The following RERE variants were observed in gnomAD, a reference collection of about 807,000 sequenced individuals.
The protein encoded by RERE is arginine-glutamic acid dipeptide repeats, also known as arginine-glutamic acid dipeptide repeats protein.
In RERE, 40 loss-of-function variants were observed where a neutral mutation model predicts 146.1. The ratio of observed to expected loss-of-function variants is 0.27; its 90% CI spans 0.21 to 0.36. RERE has a LOEUF of 0.36. Ranked by LOEUF, RERE falls within the 10% of genes least tolerant of loss-of-function variation. The pLI is 1.00. For missense variants in RERE, 1,933 were observed against 2,138.7 expected, an observed-to-expected ratio of 0.90 and a Z score of 1.90; for synonymous variants, 1,003 against 866.0, an observed-to-expected ratio of 1.16 and a Z score of -2.78.
intron 10 of RERE, among the ~76,000 whole-genome samples, chr1:8,474,143 G>A (rs1644724792): frequency 6.6e-6 from 1 of 152,134 alleles, no homozygotes; most frequent in African/African-American, 2.4e-5. Flanking sequence ...CAAGCTTCTC[G>A]AAAGAATAAA....
chr1:8,692,344 CTTTT>C (rs55723477), intron 1 of RERE, among the ~76,000 whole-genome samples: 1 of 147,596 alleles, frequency 6.8e-6, no homozygotes, highest in Non-Finnish European at 1.5e-5. Flanking sequence ...CTCCCATATA[CTTTT>C]TTTTTTTCTT....
In RERE at chr1:8,395,295, G is replaced by GA. The variant is rs1643017786; in HGVS notation, c.1284+27431dup. ...TCAAGACCGGCCTCGCCAATATGGT[G>GA]AAACCCCATCTCTACTAAAAATATA... On this transcript the variant is annotated intron_variant, in intron 12 of 22. Transcript: ENST00000400908. 2.0e-5 allele frequency among the ~76,000 whole-genome samples: 3 copies of GA among 152,050 alleles called. No individual in the cohort carries two copies. In the South Asian group the frequency reaches 6.2e-4, roughly 32 times the overall value.
intron 12 of RERE, among the ~76,000 whole-genome samples, chr1:8,367,015 A>G (rs1486858483): frequency 6.6e-6 from 1 of 151,996 alleles, no homozygotes; most frequent in African/African-American, 2.4e-5. Context: ...AACACTGTAG[A>G]AAGTCTATTA....
chr1:8,694,806 C>T (rs1246925275), intron 1 of RERE, among the ~76,000 whole-genome samples: 1 of 151,838 alleles, frequency 6.6e-6, no homozygotes, highest in East Asian at 1.9e-4. Flanking sequence ...ACATTTGATG[C>T]TCATAGATTG....
At chr1:8,694,216 T>C (rs12096294) in intron 1 of RERE, among the ~76,000 whole-genome samples, 325 of 152,236 alleles carry the variant, frequency 2.1e-3, no homozygotes, top group African/African-American at 7.4e-3. Context: ...TATGATTCTA[T>C]ACCTAGAAAA....
intron 7 of RERE, among the ~76,000 whole-genome samples, chr1:8,539,263 T>G (rs1028837258): frequency 2.0e-5 from 3 of 152,196 alleles, no homozygotes; most frequent in Admixed American, 6.5e-5. Flanking sequence ...AGCCAATAAA[T>G]GCATATGTAA....
At chr1:8,557,050 CAG>C (rs1646016588) in intron 5 of RERE, among the ~76,000 whole-genome samples, 3 of 149,024 alleles carry the variant, frequency 2.0e-5, no homozygotes, top group African/African-American at 4.9e-5. Flanking sequence ...AAAAAAAAAA[CAG>C]AAAGATAAAA....
rs1397875799 is a variant in RERE at position 8,361,854 on chromosome 1, G to C, written c.1925C>G (p.Ser642Cys). ...SAKKVKEEASSPLKSNKRQRE... is the reference protein window; with the variant it reads ...SAKKVKEEASCPLKSNKRQRE... ...CTGGCGTTTGTTACTCTTAAGAGGG[G>C]AAGAGGCTTCCTCCTTCACCTTCTG... Residue 642 changes from serine (S) to cysteine (C), a missense_variant, in exon 17 of 23, where the codon TCC becomes TGC. Physicochemically the swap from Ser to Cys is moderately radical, Grantham distance 112. Coordinates refer to ENST00000400908, the MANE Select transcript of RERE (RefSeq NM_001042681.2). 1 of 1,613,760 alleles carries C rather than the reference G, an allele frequency of 6.2e-7. No individual in the cohort carries two copies. The highest frequency in any genetic ancestry group is 1.3e-5 in the African/African-American group (1 of 74,928).
intron 4 of RERE, among the ~76,000 whole-genome samples, chr1:8,571,305 C>A (rs1026416752): frequency 6.6e-6 from 1 of 152,186 alleles, no homozygotes; most frequent in Admixed American, 6.5e-5. Context: ...GTGAATCTAG[C>A]AATATTCCGC....
At chr1:8,572,362 A>G (rs1419401106) in intron 4 of RERE, among the ~76,000 whole-genome samples, 1 of 152,196 alleles carries the variant, frequency 6.6e-6, no homozygotes, top group East Asian at 1.9e-4. Context: ...TTTAGCACAC[A>G]GAGAAGTTAA....
chr1:8,587,235 T>A (rs1646437840), intron 4 of RERE, among the ~76,000 whole-genome samples: 1 of 152,228 alleles, frequency 6.6e-6, no homozygotes, highest in South Asian at 2.1e-4. Context: ...GGGTTCGAAA[T>A]CTGGCTCTCA....
intron 1 of RERE, among the ~76,000 whole-genome samples, chr1:8,702,643 T>TA (rs1175799644): frequency 6.6e-6 from 1 of 152,190 alleles, no homozygotes; most frequent in African/African-American, 2.4e-5. Context: ...TATTCCACAG[T>TA]AAAGCAATGA....
chr1:8,513,980 C>A (rs1645377075), intron 7 of RERE, among the ~76,000 whole-genome samples: 1 of 152,176 alleles, frequency 6.6e-6, no homozygotes, highest in South Asian at 2.1e-4. Flanking sequence ...TAGAGAATGT[C>A]AGTTTACTCA....
intron 1 of RERE, among the ~76,000 whole-genome samples, chr1:8,815,874 T>C (rs1475361127): frequency 6.6e-6 from 1 of 152,036 alleles, no homozygotes; most frequent in African/African-American, 2.4e-5. Context: ...TATGTGTGTC[T>C]GTCTGCCTCT....
At chr1:8,815,004 A>C (rs1198336240) in intron 1 of RERE, among the ~76,000 whole-genome samples, 1 of 152,216 alleles carries the variant, frequency 6.6e-6, no homozygotes, top group Non-Finnish European at 1.5e-5. Flanking sequence ...CGCTTAAAAG[A>C]AAATCATTAA....
intron 2 of RERE, among the ~76,000 whole-genome samples, chr1:8,647,967 C>T (rs1174138752): frequency 6.6e-6 from 1 of 152,058 alleles, no homozygotes. Flanking sequence ...TTAAGGCAAA[C>T]TTTTACTGAA....
rs575114145 is a variant in RERE at position 8,358,052 on chromosome 1, G to A, written c.4339+144C>T. The A allele has an allele frequency of 1.1e-5, 15 of 1,399,696 alleles. No individual in the cohort carries two copies. In the African/African-American group the frequency reaches 1.3e-4, roughly 12 times the overall value. 86.7% of individuals were successfully genotyped at this position (1,399,696 alleles called of 1,614,324 possible). A position where few individuals can be genotyped will look rare whatever the true frequency, so the allele number is the denominator to read the frequency against. On this transcript the variant is annotated intron_variant, in intron 20 of 22. Coordinates refer to ENST00000400908, the MANE Select transcript of RERE (RefSeq NM_001042681.2). ...ATACAGCAAAACCATGACGGTAGTGGATGCTGAGCTCTTCTAAGATCTGCC... is the reference window on the plus strand; with the variant it reads ...ATACAGCAAAACCATGACGGTAGTGAATGCTGAGCTCTTCTAAGATCTGCC...
intron 4 of RERE, among the ~76,000 whole-genome samples, chr1:8,587,297 A>G (rs1055475457): frequency 2.6e-4 from 39 of 152,186 alleles, no homozygotes; most frequent in African/African-American, 9.4e-4. Flanking sequence ...TCTATTCCCA[A>G]TCTGCAAAAC....
At chr1:8,518,791 A>C (rs1370648663) in intron 7 of RERE, among the ~76,000 whole-genome samples, 2 of 152,238 alleles carry the variant, frequency 1.3e-5, no homozygotes, top group African/African-American at 4.8e-5. Context: ...AAGCCATGCG[A>C]ATGTTGTATT....
Sources: gnomAD v4.1 joint callset for allele counts (sites outside exome capture counted in the v4.1 genomes callset) on GRCh38, gnomAD v4.1.1 for gene constraint, MANE v1.5 for transcripts, NCBI Gene and HGNC (gene_info 2026-07-23, HGNC 2026-07-21) for gene names.